The following MIER1 variants were observed in gnomAD, a reference collection of about 807,000 sequenced individuals.
MIER1 encodes mesoderm induction early response protein 1.
A neutral mutation model predicts 75.7 loss-of-function variants in MIER1; 40 were observed. The observed-to-expected ratio is 0.53, with a 90% CI of 0.41 to 0.69. MIER1 has a LOEUF of 0.69. MIER1 is among the 30% of genes least tolerant of loss of function. The pLI, the probability that MIER1 is intolerant of heterozygous loss-of-function variation, is 0.00. For synonymous variants in MIER1, 213 were observed against 223.4 expected (o/e 0.95, Z 0.42); for missense variants, 574 against 680.2 (o/e 0.84, Z 1.74).
In MIER1 at chr1:66,955,364, T is replaced by TA. The variant is rs1553249059; in HGVS notation, c.340-2693dup. ...TTTTTTTTTTTTTTTTTTTTTTTTT[T>TA]AATTGCAGGTACTCGGGCCTCACTG... On this transcript the variant is annotated intron_variant, in intron 4 of 13. Transcript: ENST00000401041. Among the ~76,000 whole-genome samples the TA allele has an allele frequency of 2.1e-3, 301 of 145,394 alleles. 3 individuals are homozygous for TA. Among genetic ancestry groups the TA allele is most frequent in the African/African-American group, 7.4e-3 (289 of 38,828 alleles).
At chr1:66,928,831 T>C in intron 2 of MIER1, 1 of 1,131,898 alleles carries the variant, frequency 8.8e-7, no homozygotes, top group South Asian at 1.4e-5. Flanking sequence ...AAATTGTTTG[T>C]AGATTTGGGA....
At chr1:66,951,607 G>A (rs1332503107) in intron 4 of MIER1, among the ~76,000 whole-genome samples, 1 of 151,542 alleles carries the variant, frequency 6.6e-6, no homozygotes, top group African/African-American at 2.4e-5. Context: ...TAGAGACAGG[G>A]TCTCGTTCTG....
At chr1:66,979,883 G>A (rs916303960) in intron 12 of MIER1, among the ~76,000 whole-genome samples, 4 of 151,608 alleles carry the variant, frequency 2.6e-5, no homozygotes, top group African/African-American at 7.3e-5. Flanking sequence ...TACTGCCGCC[G>A]CCTCCCGAGT....
At chr1:66,942,678 A>C (rs149589103) in intron 3 of MIER1, among the ~76,000 whole-genome samples, 1 of 152,320 alleles carries the variant, frequency 6.6e-6, no homozygotes, top group East Asian at 1.9e-4. Context: ...CTAAGGAACA[A>C]GGCAAAAAGA....
At chr1:66,971,999 T>C (rs1261198806) in intron 10 of MIER1, among the ~76,000 whole-genome samples, 2 of 151,332 alleles carry the variant, frequency 1.3e-5, no homozygotes, top group Admixed American at 6.6e-5. Flanking sequence ...TATTTATAAA[T>C]ATTTTCTTAT....
At position 66,985,827 on chromosome 1, in the gene MIER1, T is replaced by A; in HGVS notation, c.*927T>A. On this transcript the variant is annotated 3_prime_UTR_variant, in exon 14 of 14. Transcript: ENST00000401041. Reference sequence around the variant, plus strand: ...AAGGATTATAAAATTTTTTTTTTTTTTTTTTTTTTTAAATTTCTACTTAAG... The same window carrying A: ...AAGGATTATAAAATTTTTTTTTTTTATTTTTTTTTTAAATTTCTACTTAAG... The A allele has an allele frequency of 1.2e-6, 1 of 860,752 alleles. No homozygotes were observed. The highest frequency in any genetic ancestry group is 1.4e-6 in the Non-Finnish European group (1 of 717,638). 53.3% of individuals were successfully genotyped at this position (860,752 alleles called of 1,614,324 possible).
In MIER1 at chr1:66,932,501, T is replaced by A. The variant is rs552144805; in HGVS notation, c.168+6259T>A. 4.6e-5 allele frequency among the ~76,000 whole-genome samples: 7 copies of A among 152,298 alleles called. No individual in the cohort carries two copies. In the East Asian group the frequency reaches 1.3e-3, roughly 29 times the overall value. On this transcript the variant is annotated intron_variant, in intron 2 of 13. Transcript: ENST00000401041. ...CAGGTGAAGAAGTGAAAAGTACAAT[T>A]GATTTATAGTTTTCCTGGCCTCAAT...
chr1:66,952,208 A>T (rs903566425), intron 4 of MIER1, among the ~76,000 whole-genome samples: 3 of 152,206 alleles, frequency 2.0e-5, no homozygotes, highest in Admixed American at 2.0e-4. Context: ...GTGAATGGGA[A>T]TAAAACACTG....
At chr1:66,937,156 GC>G (rs1378407546) in intron 2 of MIER1, among the ~76,000 whole-genome samples, 1 of 152,044 alleles carries the variant, frequency 6.6e-6, no homozygotes, top group Non-Finnish European at 1.5e-5. Flanking sequence ...CTTCAGGCCT[GC>G]CTTCACCACC....
chr1:66,969,402 A>T (rs1208435818), intron 8 of MIER1, among the ~76,000 whole-genome samples: 2 of 151,842 alleles, frequency 1.3e-5, no homozygotes, highest in Non-Finnish European at 2.9e-5. Flanking sequence ...AAACCTAGCC[A>T]GGTATGGTGG....
At chr1:66,925,568 G>A in intron 1 of MIER1, 2 of 985,036 alleles carry the variant, frequency 2.0e-6, no homozygotes, top group Non-Finnish European at 2.4e-6. Flanking sequence ...TGCCCTTTTC[G>A]GATGGAGTCA....
intron 8 of MIER1, among the ~76,000 whole-genome samples, chr1:66,966,586 T>G (rs1662457175): frequency 6.6e-6 from 1 of 152,198 alleles, no homozygotes; most frequent in South Asian, 2.1e-4. Context: ...GTATTTCTAG[T>G]TCTAGGTCCT....
At chr1:66,956,558 A>G (rs918791863) in intron 4 of MIER1, among the ~76,000 whole-genome samples, 1 of 152,192 alleles carries the variant, frequency 6.6e-6, no homozygotes, top group African/African-American at 2.4e-5. Flanking sequence ...CATGGACCAG[A>G]TACTTGAACA....
intron 13 of MIER1, among the ~76,000 whole-genome samples, chr1:66,982,534 G>C (rs886485989): frequency 6.6e-6 from 1 of 152,192 alleles, no homozygotes. Context: ...TCAGTAGTAA[G>C]AGCCAGAGAA....
At chr1:66,959,994 G>A (rs1002004479) in intron 7 of MIER1, 6 of 224,108 alleles carry the variant, frequency 2.7e-5, no homozygotes, top group African/African-American at 9.0e-5. Context: ...TGAGGCAGGC[G>A]GATCGCTTGA....
At chr1:66,951,210 C>T (rs1399573154) in intron 4 of MIER1, among the ~76,000 whole-genome samples, 2 of 152,178 alleles carry the variant, frequency 1.3e-5, no homozygotes, top group East Asian at 3.9e-4. Flanking sequence ...GGGTCTTACT[C>T]TGTCACCTTC....
chr1:66,973,470 C>T (rs954695581), intron 11 of MIER1, among the ~76,000 whole-genome samples: 2 of 151,956 alleles, frequency 1.3e-5, no homozygotes, highest in African/African-American at 4.8e-5. Context: ...TTTCTAGGAG[C>T]TTCTGTGTCG....
intron 4 of MIER1, among the ~76,000 whole-genome samples, chr1:66,954,045 G>C (rs1312531289): frequency 1.3e-5 from 2 of 152,198 alleles, no homozygotes; most frequent in Admixed American, 6.5e-5. Flanking sequence ...TATGGAACCA[G>C]GGATTCAGCA....
At chr1:66,934,929 T>A (rs1199330303) in intron 2 of MIER1, among the ~76,000 whole-genome samples, 3 of 152,142 alleles carry the variant, frequency 2.0e-5, no homozygotes, top group African/African-American at 7.2e-5. Context: ...CCATCTCCAT[T>A]GCTGTGAGAA....
Sources: gnomAD v4.1 joint callset for allele counts (sites outside exome capture counted in the v4.1 genomes callset) on GRCh38, gnomAD v4.1.1 for gene constraint, MANE v1.5 for transcripts, NCBI Gene and HGNC (gene_info 2026-07-23, HGNC 2026-07-21) for gene names.